PRIM2: variants seen among roughly 807,000 people sequenced by gnomAD.
The protein encoded by PRIM2 is DNA primase subunit 2, also known as DNA primase large subunit.
PRIM2 carries 39 observed loss-of-function variants against 67.3 expected under a neutral mutation model. The ratio of observed to expected loss-of-function variants is 0.58; its 90% confidence interval spans 0.45 to 0.76. PRIM2 has a LOEUF of 0.76. PRIM2 is among the 30% of genes least tolerant of loss of function. PRIM2 has a pLI of 0.00. For synonymous variants in PRIM2, 143 were observed against 198.7 expected (o/e 0.72, Z 2.36); for missense variants, 398 against 598.7 (o/e 0.66, Z 3.50).
intron 7 of PRIM2, among the ~76,000 whole-genome samples, chr6:57,420,264 G>A (rs1771422617): frequency 6.6e-6 from 1 of 152,104 alleles, no homozygotes; most frequent in Non-Finnish European, 1.5e-5. Context: ...CAGCACTTTG[G>A]GAGGCCAAGG....
intron 12 of PRIM2, among the ~76,000 whole-genome samples, chr6:57,615,420 CAAAA>C (rs1159988256): frequency 2.8e-5 from 3 of 107,320 alleles, no homozygotes; most frequent in Non-Finnish European, 4.0e-5. Flanking sequence ...GATTCTGTCT[CAAAA>C]AAAAAAAAAA....
At position 57,605,669 on chromosome 6, in the gene PRIM2, A is replaced by C. The variant is rs1365211398; in HGVS notation, c.1148-706A>C. Among the ~76,000 whole-genome samples the C allele has an allele frequency of 8.5e-5, 13 of 152,296 alleles. No individual in the cohort carries two copies. In the South Asian group the frequency reaches 2.7e-3, roughly 32 times the overall value. On this transcript the variant is annotated intron_variant, in intron 11 of 13. Coordinates refer to ENST00000615550, the MANE Select transcript of PRIM2 (RefSeq NM_000947.5). ...TGACTTACCATTGCAGTTTATTAAA[A>C]TATCTAAAATTTTCTAGATTTTGTC... is the stretch of plus-strand genomic sequence containing the variant.
chr6:57,236,864 C>G, the PRIM2 span, among the ~76,000 whole-genome samples: 2 of 152,062 alleles, frequency 1.3e-5, no homozygotes, highest in African/African-American at 4.8e-5. Context: ...TGAATAGTGC[C>G]GCAATGAACA....
the PRIM2 span, among the ~76,000 whole-genome samples, chr6:57,295,772 T>C: frequency 1.3e-5 from 2 of 152,296 alleles, no homozygotes; most frequent in Non-Finnish European, 2.9e-5. Context: ...ATTTACAAAA[T>C]TGAATGTGTC....
At chr6:57,282,029 G>A in the PRIM2 span, among the ~76,000 whole-genome samples, 5 of 152,124 alleles carry the variant, frequency 3.3e-5, no homozygotes, top group East Asian at 1.9e-4. Flanking sequence ...AAAGGTCACC[G>A]TTAATGAGGG....
intron 10 of PRIM2, among the ~76,000 whole-genome samples, chr6:57,541,971 T>C (rs1406605017): frequency 4.3e-5 from 6 of 140,242 alleles, no homozygotes; most frequent in African/African-American, 1.7e-4. Flanking sequence ...TGTTGTGTTT[T>C]GGTTTTTTTT....
chr6:57,404,570 C>A (rs542850455), intron 7 of PRIM2, among the ~76,000 whole-genome samples: 1,669 of 152,050 alleles, frequency 0.011, 17 homozygotes, highest in Middle Eastern at 0.037. Context: ...GCTGTACATG[C>A]AGAATATTTC....
chr6:57,366,703 T>C (rs1454846758), intron 5 of PRIM2, among the ~76,000 whole-genome samples: 3 of 152,134 alleles, frequency 2.0e-5, no homozygotes, highest in Non-Finnish European at 4.4e-5. Flanking sequence ...TCCCACATCC[T>C]TAGAAACCTC....
chr6:57,341,446 A>G (rs1715896790), intron 5 of PRIM2, among the ~76,000 whole-genome samples: 1 of 152,162 alleles, frequency 6.6e-6, no homozygotes, highest in African/African-American at 2.4e-5. Context: ...ATAGTCTGCA[A>G]TCACTTTCCA....
chr6:57,342,531 T>G (rs1768528195), intron 5 of PRIM2, among the ~76,000 whole-genome samples: 1 of 152,246 alleles, frequency 6.6e-6, no homozygotes, highest in African/African-American at 2.4e-5. Flanking sequence ...CAGCAGCTTC[T>G]AATTTACTTG....
At chr6:57,627,337 C>G (rs1281112292) in intron 12 of PRIM2, among the ~76,000 whole-genome samples, 1 of 113,928 alleles carries the variant, frequency 8.8e-6, no homozygotes, top group Admixed American at 9.4e-5. Context: ...TTTAAAAATA[C>G]GAATTACCAA....
intron 12 of PRIM2, among the ~76,000 whole-genome samples, chr6:57,609,044 T>G (rs1343413485): frequency 1.3e-5 from 2 of 152,210 alleles, no homozygotes; most frequent in Admixed American, 1.3e-4. Flanking sequence ...GAGGACTGGA[T>G]TTTTACTTAA....
At chr6:57,434,449 G>A (rs1186423595) in intron 7 of PRIM2, among the ~76,000 whole-genome samples, 1 of 151,856 alleles carries the variant, frequency 6.6e-6, no homozygotes, top group Non-Finnish European at 1.5e-5. Context: ...AAAATCTCAA[G>A]AATTTGCCCT....
At chr6:57,577,683 C>T (rs1242114354) in intron 10 of PRIM2, among the ~76,000 whole-genome samples, 18 of 152,250 alleles carry the variant, frequency 1.2e-4, no homozygotes, top group African/African-American at 3.9e-4. Context: ...CCCACCTCAG[C>T]CTCCCAAAGT....
chr6:57,618,665 T>A (rs1220332703), intron 12 of PRIM2, among the ~76,000 whole-genome samples: 1 of 152,094 alleles, frequency 6.6e-6, no homozygotes, highest in Non-Finnish European at 1.5e-5. Flanking sequence ...TTCCCCCACT[T>A]CTTTGACAAC....
intron 6 of PRIM2, among the ~76,000 whole-genome samples, 188 bp downstream of exon 6, chr6:57,380,184 C>T (rs5011399): frequency 6.5e-4 from 99 of 151,938 alleles, no homozygotes; most frequent in East Asian, 4.1e-3. Flanking sequence ...CTTCCACGGA[C>T]GCATTCCCAA....
At chr6:57,487,471 C>T (rs1773781090) in intron 7 of PRIM2, among the ~76,000 whole-genome samples, 1 of 152,330 alleles carries the variant, frequency 6.6e-6, no homozygotes, top group South Asian at 2.1e-4. Context: ...TCAAGTGATC[C>T]TCCCACCTTG....
chr6:57,329,030 A>G (rs1356003911), intron 5 of PRIM2, among the ~76,000 whole-genome samples: 2 of 152,094 alleles, frequency 1.3e-5, no homozygotes, highest in Middle Eastern at 3.4e-3. Context: ...TGTTCTTTAC[A>G]TATTCTGGAT....
chr6:57,352,527 C>T (rs745755658), intron 5 of PRIM2, among the ~76,000 whole-genome samples: 2 of 152,190 alleles, frequency 1.3e-5, no homozygotes, highest in African/African-American at 4.8e-5. Flanking sequence ...GTGTGAGCCA[C>T]CACGCCCGGC....
Sources: allele counts gnomAD v4.1 joint callset (sites outside exome capture counted in the v4.1 genomes callset), GRCh38; gene constraint gnomAD v4.1.1; transcripts MANE v1.5; gene names NCBI Gene and HGNC (gene_info 2026-07-23, HGNC 2026-07-21).